Variants in ZNF438 observed in about 807,000 individuals in gnomAD.
ZNF438 encodes zinc finger protein 438.
ZNF438 carries 25 observed loss-of-function variants against 38.0 expected under a neutral mutation model. The ratio of observed to expected loss-of-function variants is 0.66; its 90% CI spans 0.48 to 0.92. ZNF438 has a LOEUF of 0.92. ZNF438 is among the 40% of genes least tolerant of loss of function. The pLI is 0.00. For missense variants in ZNF438, 1,007 were observed against 999.6 expected, an observed-to-expected ratio of 1.01 and a Z score of -0.10; for synonymous variants, 372 against 364.1, an observed-to-expected ratio of 1.02 and a Z score of -0.25.
chr10:30,934,939 C>T (rs1236844063), intron 2 of ZNF438, among the ~76,000 whole-genome samples: 1 of 152,224 alleles, frequency 6.6e-6, no homozygotes, highest in African/African-American at 2.4e-5. Flanking sequence ...ATCTGACCAA[C>T]ATTACTTTTA....
chr10:30,939,417 T>C (rs555059141), intron 2 of ZNF438, among the ~76,000 whole-genome samples: 2 of 152,306 alleles, frequency 1.3e-5, no homozygotes, highest in South Asian at 4.1e-4. Flanking sequence ...GATAGAAGTA[T>C]TTTCCATGTT....
intron 3 of ZNF438, among the ~76,000 whole-genome samples, chr10:30,878,397 T>C (rs1298480151): frequency 6.6e-6 from 1 of 152,104 alleles, no homozygotes; most frequent in Non-Finnish European, 1.5e-5. Context: ...AGAGGGACGC[T>C]CTGACTTCAG....
intron 4 of ZNF438, among the ~76,000 whole-genome samples, 190 bp downstream of exon 5, chr10:30,876,808 T>A (rs1183499045): frequency 6.6e-6 from 1 of 152,154 alleles, no homozygotes; most frequent in African/African-American, 2.4e-5. Flanking sequence ...AGGAGACAGG[T>A]CCTTAAAACT....
At chr10:30,951,302 G>T (rs1261835380) in intron 1 of ZNF438, among the ~76,000 whole-genome samples, 1 of 149,078 alleles carries the variant, frequency 6.7e-6, no homozygotes, top group East Asian at 1.9e-4. Context: ...ATACTGAATG[G>T]GCAAAAACTG....
chr10:30,954,067 C>T (rs557294966), intron 1 of ZNF438, among the ~76,000 whole-genome samples: 24 of 152,000 alleles, frequency 1.6e-4, no homozygotes, highest in Non-Finnish European at 3.2e-4. Flanking sequence ...CACTTGAACC[C>T]GGGATGTGGA....
At chr10:31,016,186 T>C (rs1350881655) in intron 1 of ZNF438, among the ~76,000 whole-genome samples, 2 of 152,208 alleles carry the variant, frequency 1.3e-5, no homozygotes, top group African/African-American at 4.8e-5. Flanking sequence ...AAAATTTTAA[T>C]ATAAATATGT....
intron 2 of ZNF438, among the ~76,000 whole-genome samples, chr10:30,936,045 G>A (rs561302904): frequency 2.6e-5 from 4 of 152,154 alleles, no homozygotes; most frequent in Non-Finnish European, 5.9e-5. Flanking sequence ...CTAATTCTGA[G>A]TTCACTGATC....
chr10:30,940,314 C>A (rs111365543), intron 2 of ZNF438, among the ~76,000 whole-genome samples: 79 of 152,266 alleles, frequency 5.2e-4, no homozygotes, highest in African/African-American at 1.8e-3. Flanking sequence ...AACAATAAAG[C>A]TACACGGTAA....
At chr10:30,888,229 CTA>C (rs1371113237) in intron 3 of ZNF438, among the ~76,000 whole-genome samples, 1 of 151,904 alleles carries the variant, frequency 6.6e-6, no homozygotes, top group Non-Finnish European at 1.5e-5. Context: ...AGTGGTTGTA[CTA>C]TATTTCATTT....
intron 4 of ZNF438, among the ~76,000 whole-genome samples, chr10:30,855,929 G>C (rs1232770636): frequency 1.3e-5 from 2 of 152,232 alleles, no homozygotes; most frequent in African/African-American, 2.4e-5. Flanking sequence ...TCAGGAATGG[G>C]ATAAGTGCTA....
chr10:30,908,253 C>A (rs1191592914), intron 3 of ZNF438, among the ~76,000 whole-genome samples: 1 of 152,140 alleles, frequency 6.6e-6, no homozygotes, highest in African/African-American at 2.4e-5. Flanking sequence ...AGTATCATTT[C>A]AATCCTTTTT....
Position 30,917,875 on chromosome 10 carries a change from C to A in ZNF438, c.-114-8860G>T, listed in dbSNP as rs143733621. On this transcript the variant is annotated intron_variant, in intron 2 of 5. Transcript: ENST00000413025. ...CTTTCTACATCCTAAGAAATCTTTG[C>A]CTACCCCCAAGTCATAAGGATATTC... Among the ~76,000 whole-genome samples the A allele has an allele frequency of 7.9e-4, 120 of 152,202 alleles. No homozygotes were observed. In the East Asian group the frequency reaches 0.01, roughly 13 times the overall value.
At chr10:30,876,578 CTA>C (rs2038454941) in intron 4 of ZNF438, among the ~76,000 whole-genome samples, 3 of 152,176 alleles carry the variant, frequency 2.0e-5, no homozygotes, top group Admixed American at 2.0e-4. Flanking sequence ...TACACAAATT[CTA>C]TATCCTCTAA....
intron 1 of ZNF438, among the ~76,000 whole-genome samples, chr10:30,993,109 T>C (rs1011454773): frequency 1.3e-5 from 2 of 152,232 alleles, no homozygotes; most frequent in Non-Finnish European, 2.9e-5. Context: ...ATGTAGAATT[T>C]AAAAAGCTTG....
intron 3 of ZNF438, among the ~76,000 whole-genome samples, chr10:30,894,790 T>C (rs1381354438): frequency 1.3e-5 from 2 of 152,232 alleles, no homozygotes; most frequent in Admixed American, 6.5e-5. Context: ...CACTGGTTCA[T>C]ACACTCTTGC....
At chr10:30,860,665 C>T (rs1217713383) in intron 4 of ZNF438, among the ~76,000 whole-genome samples, 3 of 152,214 alleles carry the variant, frequency 2.0e-5, no homozygotes, top group Admixed American at 6.5e-5. Flanking sequence ...TCCCACTTGC[C>T]CTTCTGTAAA....
intron 3 of ZNF438, among the ~76,000 whole-genome samples, chr10:30,888,737 G>A (rs569689084): frequency 1.3e-5 from 2 of 152,194 alleles, no homozygotes; most frequent in South Asian, 4.1e-4. Context: ...CGTATTCCAT[G>A]GTGTATATGT....
chr10:30,844,837 A>G (rs1821984496), exon 6 of ZNF438: 2 of 1,228,486 alleles, frequency 1.6e-6, no homozygotes, highest in African/African-American at 1.5e-5. Context: ...TACAAAAATC[A>G]TTTCTGTTCA....
At chr10:30,910,900 A>T (rs1203533713) in intron 2 of ZNF438, among the ~76,000 whole-genome samples, 9 of 152,074 alleles carry the variant, frequency 5.9e-5, no homozygotes, top group Non-Finnish European at 4.4e-5. Flanking sequence ...TATTTTCTGG[A>T]ATAGAAAACA....
Sources: gnomAD v4.1 joint callset for allele counts (sites outside exome capture counted in the v4.1 genomes callset) on GRCh38, gnomAD v4.1.1 for gene constraint, MANE v1.5 for transcripts, NCBI Gene and HGNC (gene_info 2026-07-23, HGNC 2026-07-21) for gene names.